The following SEMA5A variants were observed in gnomAD, a reference collection of about 807,000 sequenced individuals.
SEMA5A encodes the protein semaphorin 5A.
In SEMA5A, 55 loss-of-function variants were observed where a neutral mutation model predicts 135.5. That is an observed-to-expected ratio of 0.41 (90% CI 0.33 to 0.51). SEMA5A has a LOEUF of 0.51. SEMA5A is among the 20% of genes least tolerant of loss of function. The pLI, the probability that SEMA5A is intolerant of heterozygous loss-of-function variation, is 0.37. For missense variants in SEMA5A, 1,290 were observed against 1,419.9 expected (o/e 0.91, Z 1.47); for synonymous variants, 580 against 546.5 (o/e 1.06, Z -0.85).
chr5:9,107,642 C>T (rs1234806300), intron 16 of SEMA5A, among the ~76,000 whole-genome samples: 3 of 152,074 alleles, frequency 2.0e-5, no homozygotes, highest in Non-Finnish European at 4.4e-5. Context: ...ATTCACGAAG[C>T]CTCCAGGATA....
intron 18 of SEMA5A, among the ~76,000 whole-genome samples, chr5:9,060,071 T>C (rs1365786202): frequency 3.3e-5 from 5 of 152,120 alleles, no homozygotes; most frequent in South Asian, 4.1e-4. Context: ...TGCTGGGTCA[T>C]GCCCGATCAT....
chr5:9,067,060 T>C (rs983278398), intron 16 of SEMA5A, among the ~76,000 whole-genome samples: 1 of 152,222 alleles, frequency 6.6e-6, no homozygotes, highest in African/African-American at 2.4e-5. Context: ...TAATGGATGT[T>C]TTAAGACCTG....
At chr5:9,264,814 T>A (rs932691585) in intron 5 of SEMA5A, among the ~76,000 whole-genome samples, 3 of 142,532 alleles carry the variant, frequency 2.1e-5, no homozygotes, top group Admixed American at 1.4e-4. Context: ...GTAAAATGAA[T>A]CTAGTTCTTA....
intron 2 of SEMA5A, among the ~76,000 whole-genome samples, chr5:9,434,161 T>C (rs1346485427): frequency 6.6e-6 from 1 of 152,214 alleles, no homozygotes; most frequent in Non-Finnish European, 1.5e-5. Flanking sequence ...ACAGTGCCTT[T>C]ACACGATAGA....
chr5:9,238,587 T>A (rs555376181), intron 5 of SEMA5A, among the ~76,000 whole-genome samples: 1 of 152,254 alleles, frequency 6.6e-6, no homozygotes, highest in South Asian at 2.1e-4. Flanking sequence ...ACAAATGAAA[T>A]GTGTGATTAG....
At chr5:9,342,170 AG>A (rs1330009617) in intron 3 of SEMA5A, among the ~76,000 whole-genome samples, 1 of 152,198 alleles carries the variant, frequency 6.6e-6, no homozygotes, top group Non-Finnish European at 1.5e-5. Flanking sequence ...TAAAAAAAGC[AG>A]ACACTCTAAA....
At chr5:9,362,992 C>A (rs972558126) in intron 3 of SEMA5A, among the ~76,000 whole-genome samples, 6 of 152,084 alleles carry the variant, frequency 3.9e-5, no homozygotes, top group Non-Finnish European at 7.4e-5. Flanking sequence ...ATTTGTAATG[C>A]GTCTTACTTT....
At chr5:9,313,076 G>A (rs1752217075) in intron 5 of SEMA5A, among the ~76,000 whole-genome samples, 2 of 152,110 alleles carry the variant, frequency 1.3e-5, no homozygotes, top group Non-Finnish European at 2.9e-5. Context: ...GGATTTCAGG[G>A]CAATTGACAA....
chr5:9,481,226 A>T (rs1759864440), intron 1 of SEMA5A, among the ~76,000 whole-genome samples: 1 of 152,184 alleles, frequency 6.6e-6, no homozygotes, highest in South Asian at 2.1e-4. Context: ...GATTATAGGC[A>T]TGAGCCACCA....
At chr5:9,448,022 C>T (rs1758497318) in intron 1 of SEMA5A, among the ~76,000 whole-genome samples, 1 of 152,142 alleles carries the variant, frequency 6.6e-6, no homozygotes, top group African/African-American at 2.4e-5. Context: ...ACCAAAAGGT[C>T]GGCATGTCCT....
In SEMA5A at chr5:9,045,558, C is replaced by T. The variant is rs970094730; in HGVS notation, c.2894-974G>A. Among the ~76,000 whole-genome samples the T allele has an allele frequency of 5.3e-5, 8 of 152,266 alleles. No individual in the cohort carries two copies. The East Asian group carries it at 7.7e-4, about 15-fold the overall frequency. On this transcript the variant is annotated intron_variant, in intron 21 of 22. Transcript: ENST00000382496. ...GGTAACTATTATAAGCACTTTCTCC[C>T]GTGCCCTTCCGGAGATACTCAGCAC...
At chr5:9,267,891 A>G (rs1375836546) in intron 5 of SEMA5A, among the ~76,000 whole-genome samples, 2 of 152,108 alleles carry the variant, frequency 1.3e-5, no homozygotes, top group East Asian at 1.9e-4. Context: ...ACCTTTGTCT[A>G]TGATTGAAAT....
intron 11 of SEMA5A, among the ~76,000 whole-genome samples, chr5:9,159,910 G>C (rs1294632394): frequency 6.6e-6 from 1 of 152,152 alleles, no homozygotes; most frequent in Non-Finnish European, 1.5e-5. Context: ...CAGGGACATA[G>C]ATGAAGCTGG....
intron 16 of SEMA5A, among the ~76,000 whole-genome samples, chr5:9,078,302 C>A (rs1024290849): frequency 6.6e-6 from 1 of 152,114 alleles, no homozygotes; most frequent in African/African-American, 2.4e-5. Context: ...TTCTAATCTT[C>A]CATTTTTAAG....
At chr5:9,350,013 G>T (rs1353740173) in intron 3 of SEMA5A, among the ~76,000 whole-genome samples, 1 of 152,076 alleles carries the variant, frequency 6.6e-6, no homozygotes, top group African/African-American at 2.4e-5. Flanking sequence ...TACACTTACT[G>T]CACTGGACAC....
chr5:9,054,054 T>C (rs2150048702), intron 19 of SEMA5A, 33 bp downstream of exon 19: 1 of 1,573,372 alleles, frequency 6.4e-7, no homozygotes, highest in African/African-American at 1.4e-5. Flanking sequence ...CCAATTTGTC[T>C]GAAAGCTGTG....
At chr5:9,120,195 T>C (rs1342588499) in intron 14 of SEMA5A, among the ~76,000 whole-genome samples, 2 of 152,134 alleles carry the variant, frequency 1.3e-5, no homozygotes, top group Non-Finnish European at 2.9e-5. Context: ...ATGCATTTCT[T>C]TGGATATTTG....
chr5:9,331,712 G>A (rs1331582609), intron 4 of SEMA5A, among the ~76,000 whole-genome samples: 1 of 152,210 alleles, frequency 6.6e-6, no homozygotes, highest in Non-Finnish European at 1.5e-5. Flanking sequence ...GTCTGGTGAT[G>A]CTTGATTCCT....
chr5:9,348,947 C>G (rs573526994), intron 3 of SEMA5A, among the ~76,000 whole-genome samples: 2 of 152,198 alleles, frequency 1.3e-5, no homozygotes, highest in African/African-American at 4.8e-5. Context: ...GACAATAAAT[C>G]ATTTGCTTAA....
Sources: gnomAD v4.1 joint callset for allele counts (sites outside exome capture counted in the v4.1 genomes callset) on GRCh38, gnomAD v4.1.1 for gene constraint, MANE v1.5 for transcripts, NCBI Gene and HGNC (gene_info 2026-07-23, HGNC 2026-07-21) for gene names.